KLHL18: variants seen among roughly 807,000 people sequenced by gnomAD.
KLHL18 encodes the protein kelch like family member 18, also known as kelch-like protein 18.
A neutral mutation model predicts 58.5 loss-of-function variants in KLHL18; 38 were observed. That is an observed-to-expected ratio of 0.65 (90% CI 0.50 to 0.85). The LOEUF is 0.85. Ranked by LOEUF, KLHL18 falls within the 40% of genes least tolerant of loss-of-function variation. KLHL18 has a pLI of 0.00. For synonymous variants in KLHL18, 303 were observed against 301.9 expected, an observed-to-expected ratio of 1.00 and a Z score of -0.04; for missense variants, 624 against 778.4, an observed-to-expected ratio of 0.80 and a Z score of 2.36.
chr3:47,307,152 A>G (rs1703164651), intron 1 of KLHL18, among the ~76,000 whole-genome samples: 1 of 152,134 alleles, frequency 6.6e-6, no homozygotes, highest in Non-Finnish European at 1.5e-5. Context: ...GCTCACTGCA[A>G]CGTTCGCCTC....
At chr3:47,309,880 A>G (rs1032616488) in intron 1 of KLHL18, among the ~76,000 whole-genome samples, 6 of 151,824 alleles carry the variant, frequency 4.0e-5, no homozygotes, top group African/African-American at 1.5e-4. Context: ...GCGCGCCTGC[A>G]CTGGGCAGGC....
intron 1 of KLHL18, among the ~76,000 whole-genome samples, chr3:47,290,588 A>G (rs928487681): frequency 3.9e-5 from 6 of 151,956 alleles, no homozygotes; most frequent in Admixed American, 1.3e-4. Flanking sequence ...CAGCCTCCCA[A>G]GTAGCTGGGA....
intron 3 of KLHL18, among the ~76,000 whole-genome samples, chr3:47,325,943 T>G (rs1703709237): frequency 6.6e-6 from 1 of 151,658 alleles, no homozygotes; most frequent in African/African-American, 2.4e-5. Flanking sequence ...AATTTTTGTA[T>G]TTTTATTTAT....
At chr3:47,320,035 A>ATTTT (rs546913284) in intron 2 of KLHL18, among the ~76,000 whole-genome samples, 3 of 139,588 alleles carry the variant, frequency 2.1e-5, no homozygotes, top group Non-Finnish European at 4.7e-5. Context: ...AGACTCCATG[A>ATTTT]TTTTTTTTTT....
At chr3:47,316,707 GTATATATGTATATGTGTGTGTATA>G (rs1703453671) in intron 1 of KLHL18, among the ~76,000 whole-genome samples, 1 of 38,176 alleles carries the variant, frequency 2.6e-5, no homozygotes, top group Non-Finnish European at 5.7e-5. Flanking sequence ...ACATATATAC[GTATATATGTATATGTGTGTGTATA>G]TATACATATA....
At chr3:47,330,404 A>T (rs1464652853) in intron 4 of KLHL18, among the ~76,000 whole-genome samples, 5 of 151,832 alleles carry the variant, frequency 3.3e-5, no homozygotes, top group African/African-American at 1.2e-4. Context: ...CTGCAGCCTC[A>T]TCCTCCCACA....
At chr3:47,300,128 C>A (rs1170714931) in intron 1 of KLHL18, among the ~76,000 whole-genome samples, 1 of 151,004 alleles carries the variant, frequency 6.6e-6, no homozygotes, top group Non-Finnish European at 1.5e-5. Flanking sequence ...CCGCTGTCTT[C>A]CCCTTTTCCC....
At chr3:47,329,915 T>G in intron 3 of KLHL18, 36 bp from the exon 4 acceptor site, 1 of 1,573,438 alleles carries the variant, frequency 6.4e-7, no homozygotes, top group Non-Finnish European at 8.7e-7. Flanking sequence ...ACATCCTTTC[T>G]TCCTCTAATT....
At position 47,319,731 on chromosome 3, in the gene KLHL18, G is replaced by C. The variant is rs1477873799; in HGVS notation, c.208G>C (p.Asp70His). Residue 70 changes from aspartate (D) to histidine (H), a missense_variant, in exon 2 of 10, where the codon GAC becomes CAC. Physicochemically the swap from Asp to His is moderately conservative, Grantham distance 81. Transcript: ENST00000232766. ...GTATTTCCATGCTATGTTTACAAATGACATGATGGAGTGCAAGCAGGATGA... is the reference window on the plus strand; with the variant it reads ...GTATTTCCATGCTATGTTTACAAATCACATGATGGAGTGCAAGCAGGATGA... ...IPYFHAMFTN[D>H]MMECKQDEIV... The C allele has an allele frequency of 6.2e-7, 1 of 1,613,976 alleles. No homozygotes were observed. Among genetic ancestry groups the C allele is most frequent in the Non-Finnish European group, 8.5e-7 (1 of 1,179,892 alleles).
intron 8 of KLHL18, among the ~76,000 whole-genome samples, chr3:47,341,761 A>G (rs1478933634): frequency 1.3e-5 from 2 of 152,088 alleles, no homozygotes; most frequent in East Asian, 1.9e-4. Context: ...CCAAGAGGTG[A>G]AGAACCACAT....
intron 4 of KLHL18, among the ~76,000 whole-genome samples, chr3:47,331,833 A>C (rs1703870487): frequency 6.6e-6 from 1 of 151,722 alleles, no homozygotes; most frequent in Non-Finnish European, 1.5e-5. Context: ...ATATTGGAGA[A>C]ATGGGAGAGC....
intron 1 of KLHL18, among the ~76,000 whole-genome samples, chr3:47,300,343 ATG>A (rs1702994533): frequency 7.0e-6 from 1 of 143,488 alleles, no homozygotes. Flanking sequence ...ATACGTGTGT[ATG>A]TGTATATATG....
chr3:47,340,802 T>A, intron 8 of KLHL18, 126 bp downstream of exon 8: 1 of 928,216 alleles, frequency 1.1e-6, no homozygotes, highest in Non-Finnish European at 1.6e-6. Context: ...GCCCGTATAG[T>A]ACTTTGTATA....
chr3:47,305,972 TTCTG>T (rs1221503556), intron 1 of KLHL18, among the ~76,000 whole-genome samples: 2 of 152,130 alleles, frequency 1.3e-5, no homozygotes, highest in Admixed American at 6.6e-5. Context: ...GATTTGTCTT[TTCTG>T]TCTTTGTCAA....
At chr3:47,342,497 A>G (rs997703355) in intron 8 of KLHL18, among the ~76,000 whole-genome samples, 1 of 152,210 alleles carries the variant, frequency 6.6e-6, no homozygotes, top group Non-Finnish European at 1.5e-5. Context: ...GTATGAGACA[A>G]TGATTTTGAG....
chr3:47,329,937 T>G lies in KLHL18; in HGVS notation c.402-14T>G. On this transcript the variant is annotated splice_polypyrimidine_tract_variant and intron_variant, in intron 3 of 9. Transcript: ENST00000232766. ...TTCTTCCTCTAATTTTTTTTTTCTT[T>G]CCTTATGCCAAAGGCTTCACCCAAA... is the stretch of plus-strand genomic sequence containing the variant. The G allele has an allele frequency of 6.2e-7, 1 of 1,612,164 alleles. No individual in the cohort carries two copies. The highest frequency in any genetic ancestry group is 1.1e-5 in the South Asian group (1 of 90,926).
At position 47,311,691 on chromosome 3, in the gene KLHL18, AAAAC is replaced by A. The variant is rs577854277; in HGVS notation, c.130-7946_130-7943del. The stretch of plus-strand genomic sequence containing the variant: ...TGGTGACAGAGCAAGACTCTGTCTC[AAAAC>A]AAACAAACAAACAAAACAAGTATAG... On this transcript the variant is annotated intron_variant, in intron 1 of 9. Transcript: ENST00000232766. Among the ~76,000 whole-genome samples, 54 of 152,270 alleles carry A rather than the reference AAAAC, an allele frequency of 3.5e-4. No homozygotes were observed. In the South Asian group the frequency reaches 4.3e-3, roughly 12 times the overall value.
chr3:47,319,342 A>G (rs1173954236), intron 1 of KLHL18, among the ~76,000 whole-genome samples: 2 of 152,260 alleles, frequency 1.3e-5, no homozygotes, highest in Admixed American at 6.5e-5. Flanking sequence ...AAAGGGGTGC[A>G]TTGGAGACTA....
At chr3:47,290,466 CT>C (rs961515802) in intron 1 of KLHL18, among the ~76,000 whole-genome samples, 57 of 147,234 alleles carry the variant, frequency 3.9e-4, no homozygotes, top group South Asian at 1.1e-3. Context: ...TTGTCTCCCT[CT>C]TTTTTTTTTT....
Sources: allele counts gnomAD v4.1 joint callset (sites outside exome capture counted in the v4.1 genomes callset), GRCh38; gene constraint gnomAD v4.1.1; transcripts MANE v1.5; gene names NCBI Gene and HGNC (gene_info 2026-07-23, HGNC 2026-07-21).